APC2: variants seen among roughly 807,000 people sequenced by gnomAD.
APC2 encodes adenomatous polyposis coli protein 2.
Under a neutral mutation model 72.5 loss-of-function variants are expected in APC2, and 41 were observed. That is an observed-to-expected ratio of 0.57 (90% confidence interval 0.44 to 0.73). The LOEUF (loss-of-function observed/expected upper bound fraction) is 0.73. APC2 is among the 30% of genes least tolerant of loss of function. APC2 has a pLI of 0.00. For missense variants in APC2, 3,729 were observed against 3,403.4 expected, an observed-to-expected ratio of 1.10 and a Z score of -2.38; for synonymous variants, 1,898 against 1,612.0, an observed-to-expected ratio of 1.18 and a Z score of -4.25.
Position 1,470,603 on chromosome 19 carries a change from G to T in APC2, c.*390G>T, listed in dbSNP as rs1395280966. ...TCCGCTGCTTCGCAGGGACAGCGCT[G>T]GGGAGGTGACGGCGCCCGCCGCAGG... On this transcript the variant is annotated 3_prime_UTR_variant, in exon 15 of 15. Transcript: ENST00000590469. 5.5e-6 allele frequency: 1 copy of T among 180,670 alleles called. No homozygotes were observed. Among genetic ancestry groups the T allele is most frequent in the East Asian group, 1.4e-4 (1 of 6,970 alleles). The allele number at this position is 180,670 out of a possible 1,614,324, so 11.2% of individuals were successfully genotyped here.
chr19:1,463,809 G>A (rs906082040), intron 14 of APC2, among the ~76,000 whole-genome samples: 10 of 151,924 alleles, frequency 6.6e-5, no homozygotes, highest in African/African-American at 1.5e-4. Context: ...AAACAATAGA[G>A]AATACTTATT....
chr19:1,462,597 G>A (rs757602924), intron 14 of APC2, among the ~76,000 whole-genome samples: 1 of 147,264 alleles, frequency 6.8e-6, no homozygotes, highest in Non-Finnish European at 1.5e-5. Flanking sequence ...AGAGGTTGCG[G>A]TGAGCTGAGA....
Position 1,456,842 on chromosome 19 carries a change from C to T in APC2, c.817-11C>T, listed in dbSNP as rs1163187934. The T allele has an allele frequency of 6.3e-7, 1 of 1,592,182 alleles. No individual in the cohort carries two copies. The highest frequency in any genetic ancestry group is 8.5e-7 in the Non-Finnish European group (1 of 1,174,992). On this transcript the variant is annotated splice_polypyrimidine_tract_variant and intron_variant, in intron 8 of 14. Coordinates refer to ENST00000590469, the MANE Select transcript of APC2 (RefSeq NM_005883.3). ...GTGAGGGACCCCACCCTGACCCTGC[C>T]CTCCCCCCAGGTGGAGGTGGTCTTC... is the stretch of plus-strand genomic sequence containing the variant.
chr19:1,453,913 C>T lies in APC2; in HGVS notation c.413+302C>T, dbSNP rs190461037. On this transcript the variant is annotated intron_variant, in intron 4 of 14. Transcript: ENST00000590469. Reference sequence around the variant, plus strand: ...CCAGGGGTCCGAGACACGCAGGCGTCGCCAGGGACCGGGCTGTGTCCGGTG... The same window carrying T: ...CCAGGGGTCCGAGACACGCAGGCGTTGCCAGGGACCGGGCTGTGTCCGGTG... 2.5e-4 allele frequency among the ~76,000 whole-genome samples: 38 copies of T among 152,334 alleles called. No homozygotes were observed. The East Asian group carries it at 3.7e-3, about 15-fold the overall frequency.
upstream of APC2, among the ~76,000 whole-genome samples, chr19:1,449,410 C>A (rs907994061): frequency 1.1e-4 from 17 of 152,172 alleles, no homozygotes; most frequent in Non-Finnish European, 2.9e-5. Context: ...CCTGGCCCTT[C>A]CCTCCTCTGG....
chr19:1,470,980 G>T lies in APC2; in HGVS notation c.*767G>T, dbSNP rs1426012132. 6.6e-6 allele frequency: 1 copy of T among 152,290 alleles called. No individual in the cohort carries two copies. The highest frequency in any genetic ancestry group is 6.5e-5 in the Admixed American group (1 of 15,290). 9.4% of individuals were successfully genotyped at this position (152,290 alleles called of 1,614,324 possible). ...GGGCTGCGTACGATGGGACCCTGGT[G>T]CAGACGCCGGGCCGGCTGACATTTG... On this transcript the variant is annotated 3_prime_UTR_variant, in exon 15 of 15. Transcript: ENST00000590469.
intron 13 of APC2, 28 bp downstream of exon 13, chr19:1,461,181 C>G (rs2145213422): frequency 6.3e-7 from 1 of 1,576,534 alleles, no homozygotes; most frequent in Non-Finnish European, 8.7e-7. Context: ...GGCAGGGATG[C>G]TTCTTCAGTC....
rs2084102715 is a variant in APC2 at position 1,469,848 on chromosome 19, C to T, written c.6547C>T (p.Pro2183Ser). 6.6e-7 allele frequency: 1 copy of T among 1,520,328 alleles called. No individual in the cohort carries two copies. The highest frequency in any genetic ancestry group is 1.4e-5 in the African/African-American group (1 of 70,424). The allele number at this position is 1,520,328 out of a possible 1,614,324, so 94.2% of individuals were successfully genotyped here. The change falls in exon 15 of 15, where the codon CCG (proline) becomes TCG (serine). Residue 2183 changes from proline to serine, a missense_variant. Transcript: ENST00000590469. ...TPEDAPAGPP[P>S]RKTSDAVVQT... ...CGAGGACGCCCCGGCCGGGCCCCCG[C>T]CGCGCAAGACCAGCGACGCCGTGGT... is the stretch of plus-strand genomic sequence containing the variant.
chr19:1,451,992 T>C, intron 1 of APC2: 1 of 151,970 alleles, frequency 6.6e-6, no homozygotes, highest in South Asian at 2.1e-4. Context: ...AGGGCCGGTG[T>C]GAGGAAGGGG....
In APC2 at chr19:1,456,821, G is replaced by C. The variant is rs2083835557; in HGVS notation, c.817-32G>C. ...TTCCAGGTGTGCGGGGGGCAGGTGAGGGACCCCACCCTGACCCTGCCCTCC... is the reference window on the plus strand; with the variant it reads ...TTCCAGGTGTGCGGGGGGCAGGTGACGGACCCCACCCTGACCCTGCCCTCC... On this transcript the variant is annotated intron_variant, in intron 8 of 14. Coordinates refer to ENST00000590469, the MANE Select transcript of APC2 (RefSeq NM_005883.3). The C allele has an allele frequency of 1.9e-6, 3 of 1,578,688 alleles. No individual in the cohort carries two copies. The Admixed American group carries it at 5.4e-5, about 29-fold the overall frequency.
intron 14 of APC2, among the ~76,000 whole-genome samples, chr19:1,462,655 CAAAAAA>C (rs34103912): frequency 3.3e-3 from 83 of 24,924 alleles, no homozygotes; most frequent in African/African-American, 9.5e-3. Flanking sequence ...AACTTCATCT[CAAAAAA>C]AAAAAAAAAA....
chr19:1,455,490 A>AGCGGGCACAGGTGCG lies in APC2; in HGVS notation c.634_639+9dup. On this transcript the variant is annotated inframe_insertion, in exon 6 of 15. Transcript: ENST00000590469. ...TTCGGCACCTCGGACGAGATGGTGCAGCGGGCACAGGTGCGGCGGTGGGCG... is the reference window on the plus strand; with the variant it reads ...TTCGGCACCTCGGACGAGATGGTGCAGCGGGCACAGGTGCGGCGGGCACAGGTGCGGCGGTGGGCG... 1 of 1,601,670 alleles carries AGCGGGCACAGGTGCG rather than the reference A, an allele frequency of 6.2e-7. No individual in the cohort carries two copies. The highest frequency in any genetic ancestry group is 8.5e-7 in the Non-Finnish European group (1 of 1,174,564).
chr19:1,467,499 T>C lies in APC2; in HGVS notation c.4198T>C (p.Phe1400Leu). ...TDSAEGTPVN[F>L]SSAASLSDET... is the part of the protein sequence containing the mutation. ...CTCCGCGGAGGGCACGCCGGTCAACTTCTCTAGCGCCGCCTCGCTCAGCGA... is the reference window on the plus strand; with the variant it reads ...CTCCGCGGAGGGCACGCCGGTCAACCTCTCTAGCGCCGCCTCGCTCAGCGA... The change falls in exon 15 of 15, where the codon TTC becomes CTC. Residue 1400 changes from phenylalanine to leucine, a missense_variant. Transcript: ENST00000590469. 6.9e-7 allele frequency: 1 copy of C among 1,459,344 alleles called. No individual in the cohort carries two copies. Among genetic ancestry groups the C allele is most frequent in the South Asian group, 1.3e-5 (1 of 75,016 alleles). The allele number at this position is 1,459,344 out of a possible 1,614,324, so 90.4% of individuals were successfully genotyped here. A position where few individuals can be genotyped will look rare whatever the true frequency, so the allele number is the denominator to read the frequency against.
In APC2 at chr19:1,468,102, G is replaced by T; in HGVS notation, c.4801G>T (p.Gly1601Cys). The change falls in exon 15 of 15, where the codon GGC becomes TGC. Residue 1601 changes from glycine (G) to cysteine (C), a missense_variant. Gly to Cys is a radical substitution (Grantham distance 159). Transcript: ENST00000590469. ...PSEPPAVHPR[G>C]REPAVTKDPG... ...GGAGCCGCCGGCCGTCCATCCACGA[G>T]GCCGGGAGCCCGCGGTCACCAAGGA... 1 of 1,529,784 alleles carries T rather than the reference G, an allele frequency of 6.5e-7. No individual in the cohort carries two copies. 94.8% of individuals were successfully genotyped at this position (1,529,784 alleles called of 1,614,324 possible).
chr19:1,457,219 C>A lies in APC2; in HGVS notation c.1183C>A (p.Pro395Thr), dbSNP rs1166060825. 11 of 1,541,766 alleles carry A rather than the reference C, an allele frequency of 7.1e-6. No individual in the cohort carries two copies. The African/African-American group carries it at 1.5e-4, about 21-fold the overall frequency. Residue 395 changes from proline to threonine, a missense_variant, in exon 9 of 15, where the codon CCC becomes ACC. Physicochemically the swap from Pro to Thr is conservative, Grantham distance 38 (BLOSUM62 -1). Transcript: ENST00000590469. ...WDWLQARDGGPEGGGAGSAPI... is the reference protein window; with the variant it reads ...WDWLQARDGGTEGGGAGSAPI... The stretch of plus-strand genomic sequence containing the variant: ...CTGGCTGCAGGCCCGAGACGGCGGG[C>A]CCGAGGGAGGTGGCGCCGGCAGCGG...
rs1481006924 is a variant in APC2, at chr19:1,456,867, C to G, written c.831C>G (p.Phe277Leu). The change falls in exon 9 of 15, where the codon TTC (phenylalanine) becomes TTG (leucine). Residue 277 changes from phenylalanine (F) to leucine (L), a missense_variant. By Grantham distance (22) the Phe-to-Leu change is conservative (BLOSUM62 0). Coordinates refer to ENST00000590469, the MANE Select transcript of APC2 (RefSeq NM_005883.3). ...CCTCCCCCCAGGTGGAGGTGGTCTT[C>G]TGGCTGTTGTCCATGTTGGCGACGC... ...QPGNSKVEVV[F>L]WLLSMLATRD... 1 of 1,596,830 alleles carries G rather than the reference C, an allele frequency of 6.3e-7. No individual in the cohort carries two copies. The highest frequency in any genetic ancestry group is 1.7e-5 in the Admixed American group (1 of 59,266).
At chr19:1,453,392 G>T (rs1426617974) in intron 3 of APC2, 39 bp from the exon 4 acceptor site, 2 of 1,610,226 alleles carry the variant, frequency 1.2e-6, no homozygotes, top group Admixed American at 3.3e-5. Context: ...GGAAAGGCAG[G>T]CAGGGCCGCT....
chr19:1,470,366 G>A lies in APC2; in HGVS notation c.*153G>A, dbSNP rs1451588385. On this transcript the variant is annotated 3_prime_UTR_variant, in exon 15 of 15. Transcript: ENST00000590469. ...CTCTCAGAACCCCCGCCCAGCGCACGGCGACCTCGCGCCTCACCGGAAGAC... is the reference window on the plus strand; with the variant it reads ...CTCTCAGAACCCCCGCCCAGCGCACAGCGACCTCGCGCCTCACCGGAAGAC... 1.7e-6 allele frequency: 2 copies of A among 1,143,248 alleles called. No individual in the cohort carries two copies. Among genetic ancestry groups the A allele is most frequent in the Non-Finnish European group, 2.4e-6 (2 of 850,748 alleles). The allele number at this position is 1,143,248 out of a possible 1,614,324, so 70.8% of individuals were successfully genotyped here.
chr19:1,446,606 C>T (rs1018983547), upstream of APC2, among the ~76,000 whole-genome samples: 1 of 152,148 alleles, frequency 6.6e-6, no homozygotes, highest in Non-Finnish European at 1.5e-5. The surrounding 1 kb of genome is among the most constrained non-coding windows in gnomAD (Gnocchi z 6.1). Context: ...TCGCCCAGCC[C>T]AGCCCTCGGC....
Sources: gnomAD v4.1 joint callset for allele counts (sites outside exome capture counted in the v4.1 genomes callset) on GRCh38, gnomAD v4.1.1 for gene constraint, Gnocchi (gnomAD v3.1) non-coding constraint, MANE v1.5 for transcripts, NCBI Gene and HGNC (gene_info 2026-07-23, HGNC 2026-07-21) for gene names.